The following NKAIN3 variants were observed in gnomAD, a reference collection of about 807,000 sequenced individuals.
The protein encoded by NKAIN3 is sodium/potassium-transporting ATPase subunit beta-1-interacting protein 3.
NKAIN3 carries 25 observed loss-of-function variants against 30.2 expected under a neutral mutation model. The observed-to-expected ratio is 0.83, with a 90% CI of 0.60 to 1.16. The LOEUF (loss-of-function observed/expected upper bound fraction) is 1.16. NKAIN3 is among the 50% of genes most tolerant of loss of function. NKAIN3 has a pLI of 0.00. For synonymous variants in NKAIN3, 91 were observed against 89.6 expected (o/e 1.02, Z -0.09); for missense variants, 225 against 254.1 (o/e 0.89, Z 0.78).
At chr8:62,873,549 C>A (rs1435898293) in intron 4 of NKAIN3, among the ~76,000 whole-genome samples, 1 of 150,030 alleles carries the variant, frequency 6.7e-6, no homozygotes, top group Admixed American at 6.7e-5. Flanking sequence ...CTCTCAGTAC[C>A]ACATGGCACT....
chr8:62,719,056 A>G (rs919801596), intron 3 of NKAIN3, among the ~76,000 whole-genome samples: 6 of 152,220 alleles, frequency 3.9e-5, no homozygotes, highest in African/African-American at 1.4e-4. Context: ...AGGTCCAAAG[A>G]GTAATAAGGA....
chr8:62,584,313 A>G (rs1378452057), intron 2 of NKAIN3, among the ~76,000 whole-genome samples: 1 of 152,222 alleles, frequency 6.6e-6, no homozygotes, highest in African/African-American at 2.4e-5. Flanking sequence ...CGCAGAGATT[A>G]ATAAAATATG....
intron 1 of NKAIN3, among the ~76,000 whole-genome samples, chr8:62,503,764 C>A (rs528734878): frequency 6.6e-6 from 1 of 152,038 alleles, no homozygotes; most frequent in Non-Finnish European, 1.5e-5. Context: ...GCTTTTTTAG[C>A]CCAACCCCGC....
At chr8:62,396,294 T>G (rs1817761725) in intron 1 of NKAIN3, among the ~76,000 whole-genome samples, 1 of 152,150 alleles carries the variant, frequency 6.6e-6, no homozygotes, top group Non-Finnish European at 1.5e-5. Context: ...CTTAGGCAGT[T>G]CAGTTTAGAG....
chr8:62,342,180 T>C (rs1226619017), intron 1 of NKAIN3, among the ~76,000 whole-genome samples: 2 of 136,762 alleles, frequency 1.5e-5, no homozygotes, highest in African/African-American at 2.8e-5. Flanking sequence ...TTATTCCCTC[T>C]ATAACTTTGG....
rs187688420 is a variant in NKAIN3 at position 62,292,524 on chromosome 8, G to C, written c.54+43397G>C. Among the ~76,000 whole-genome samples, 1,163 of 152,238 alleles carry C rather than the reference G, an allele frequency of 7.6e-3. 12 individuals are homozygous for C. Among genetic ancestry groups the C allele is most frequent in the African/African-American group, 0.027 (1,104 of 41,538 alleles). ...TAGTTTGGCTGGATATGAAATTCTGGGTTGAAAATTCTTTTCTTTAAGAAT... is the reference window on the plus strand; with the variant it reads ...TAGTTTGGCTGGATATGAAATTCTGCGTTGAAAATTCTTTTCTTTAAGAAT... On this transcript the variant is annotated intron_variant, in intron 1 of 6. Transcript: ENST00000623646.
At position 62,880,388 on chromosome 8, in the gene NKAIN3, A is replaced by G. The variant is rs1820938121; in HGVS notation, c.472-38065A>G. Among the ~76,000 whole-genome samples, 3 of 152,068 alleles carry G rather than the reference A, an allele frequency of 2.0e-5. No individual in the cohort carries two copies. The South Asian group carries it at 6.2e-4, about 31-fold the overall frequency. ...TTAACAGAAGACAGATCCTTTCTCA[A>G]AAGCACCACAGTTACCTACACAACA... is the stretch of plus-strand genomic sequence containing the variant. On this transcript the variant is annotated intron_variant, in intron 4 of 6. Transcript: ENST00000623646.
At chr8:62,553,453 A>C (rs1158435075) in intron 1 of NKAIN3, among the ~76,000 whole-genome samples, 1 of 152,146 alleles carries the variant, frequency 6.6e-6, no homozygotes, top group Non-Finnish European at 1.5e-5. Flanking sequence ...TTGGATTATT[A>C]AAACCTTGCA....
intron 1 of NKAIN3, among the ~76,000 whole-genome samples, chr8:62,468,828 AT>A (rs1370966660): frequency 6.6e-6 from 1 of 152,114 alleles, no homozygotes; most frequent in African/African-American, 2.4e-5. Flanking sequence ...ATCAGAATGA[AT>A]TTGTCATCCC....
At chr8:62,960,009 A>C (rs1257945825) in intron 6 of NKAIN3, among the ~76,000 whole-genome samples, 1 of 152,132 alleles carries the variant, frequency 6.6e-6, no homozygotes, top group African/African-American at 2.4e-5. Context: ...GACATTAATA[A>C]CTTTTTGATG....
chr8:62,414,783 G>A (rs536968246), intron 1 of NKAIN3, among the ~76,000 whole-genome samples: 1 of 151,786 alleles, frequency 6.6e-6, no homozygotes, highest in Non-Finnish European at 1.5e-5. Context: ...GAGGTAATGA[G>A]AAAAATCAAG....
At chr8:62,799,012 G>T (rs981827934) in intron 4 of NKAIN3, among the ~76,000 whole-genome samples, 5 of 152,132 alleles carry the variant, frequency 3.3e-5, no homozygotes, top group African/African-American at 9.7e-5. Flanking sequence ...ATCAAAGGGG[G>T]TTGAAGATCA....
chr8:62,474,122 A>G (rs1806439074), intron 1 of NKAIN3: 1 of 152,176 alleles, frequency 6.6e-6, no homozygotes, highest in Admixed American at 6.6e-5. Flanking sequence ...AATGTAGTGG[A>G]ATCCCACTTT....
chr8:62,254,461 C>T (rs1044042983), intron 1 of NKAIN3, among the ~76,000 whole-genome samples: 7 of 151,982 alleles, frequency 4.6e-5, no homozygotes, highest in East Asian at 3.9e-4. Flanking sequence ...AACAAGGAGC[C>T]AGCAAAGGAT....
chr8:62,317,872 C>G (rs375985723), intron 1 of NKAIN3, among the ~76,000 whole-genome samples: 1 of 152,056 alleles, frequency 6.6e-6, no homozygotes, highest in Admixed American at 6.6e-5. Flanking sequence ...TTGGGCAGTA[C>G]GGCCATTTTC....
At position 62,296,500 on chromosome 8, in the gene NKAIN3, C is replaced by T. The variant is rs180809380; in HGVS notation, c.54+47373C>T. Among the ~76,000 whole-genome samples the T allele has an allele frequency of 1.1e-4, 16 of 152,214 alleles. No individual in the cohort carries two copies. The East Asian group carries it at 2.7e-3, about 26-fold the overall frequency. On this transcript the variant is annotated intron_variant, in intron 1 of 6. Coordinates refer to ENST00000623646, the MANE Select transcript of NKAIN3 (RefSeq NM_001304533.3). The stretch of plus-strand genomic sequence containing the variant: ...TTGAAAATCTTTGAACACACCATCT[C>T]CTATTCAAGGCTGGTTGTAGCATAT...
intron 3 of NKAIN3, among the ~76,000 whole-genome samples, chr8:62,682,792 G>C (rs7004299): frequency 0.027 from 4,030 of 152,044 alleles, 190 homozygotes; most frequent in African/African-American, 0.093. Context: ...ATTGACCTGG[G>C]AACCACACCC....
intron 4 of NKAIN3, among the ~76,000 whole-genome samples, chr8:62,805,738 C>T (rs371803388): frequency 1.3e-5 from 2 of 152,040 alleles, no homozygotes; most frequent in African/African-American, 4.8e-5. Context: ...GGACATAGGC[C>T]TGGGCAAGGA....
At chr8:62,595,382 C>CTTTTTTTTT (rs1181598520) in intron 3 of NKAIN3, among the ~76,000 whole-genome samples, 110 of 109,800 alleles carry the variant, frequency 1.0e-3, no homozygotes, top group Non-Finnish European at 1.4e-3. Context: ...GGGCTATTTT[C>CTTTTTTTTT]TTTTTTTTTT....
Sources: gnomAD v4.1 joint callset for allele counts (sites outside exome capture counted in the v4.1 genomes callset) on GRCh38, gnomAD v4.1.1 for gene constraint, MANE v1.5 for transcripts, NCBI Gene and HGNC (gene_info 2026-07-23, HGNC 2026-07-21) for gene names.